The following HEATR1 variants were observed in gnomAD, a reference collection of about 807,000 sequenced individuals.
HEATR1 encodes HEAT repeat-containing protein 1.
HEATR1 carries 77 observed loss-of-function variants against 248.2 expected under a neutral mutation model. That is an observed-to-expected ratio of 0.31 (90% CI 0.26 to 0.37). The LOEUF is 0.37. Ranked by LOEUF, HEATR1 falls within the 10% of genes least tolerant of loss-of-function variation. The probability of loss-of-function intolerance (pLI) is 1.00; values close to 1 mark genes in which losing one functional copy is unlikely to be tolerated. For missense variants in HEATR1, 2,420 were observed against 2,504.9 expected (o/e 0.97, Z 0.72); for synonymous variants, 897 against 923.1 (o/e 0.97, Z 0.51).
At chr1:236,553,882 G>A (rs1292271943) in intron 42 of HEATR1, 143 bp from the exon 43 acceptor site, 3 of 801,962 alleles carry the variant, frequency 3.7e-6, no homozygotes, top group Non-Finnish European at 3.8e-6. Flanking sequence ...TACTCTCTAG[G>A]GCAAATGTAT....
intron 20 of HEATR1, among the ~76,000 whole-genome samples, chr1:236,579,518 T>A (rs1276640961): frequency 1.3e-5 from 2 of 152,238 alleles, no homozygotes; most frequent in Non-Finnish European, 2.9e-5. Flanking sequence ...ACTATTTTAA[T>A]AAATTGCTAT....
chr1:236,574,367 G>C (rs760542410), intron 23 of HEATR1, 34 bp from the exon 24 acceptor site: 1 of 1,581,448 alleles, frequency 6.3e-7, no homozygotes. Flanking sequence ...ACTGAGTTCA[G>C]TGAACAAGTT....
intron 17 of HEATR1, among the ~76,000 whole-genome samples, chr1:236,583,484 C>CT (rs373107503): frequency 5.7e-4 from 66 of 115,222 alleles, no homozygotes; most frequent in African/African-American, 1.9e-3. Flanking sequence ...AGGCATATTT[C>CT]TTTTTTTTTT....
Position 236,557,336 on chromosome 1 carries a change from T to C in HEATR1, c.5214A>G (p.Pro1738=), listed in dbSNP as rs1216849773. 1.9e-6 allele frequency: 3 copies of C among 1,613,996 alleles called. No individual in the cohort carries two copies. Among genetic ancestry groups the C allele is most frequent in the East Asian group, 4.5e-5 (2 of 44,884 alleles). ...LAIPQLPSLM[P]SLLTTMKNTS... is the part of the protein sequence containing the mutation. The stretch of plus-strand genomic sequence containing the variant: ...TGTTCTTCATTGTTGTCAGCAACGA[T>C]GGCATCAGGCTAGAAACAAAGTAAG... Residue 1738 remains proline, a synonymous_variant, in exon 37 of 45, where the codon CCA becomes CCG. Coordinates refer to ENST00000366582, the MANE Select transcript of HEATR1 (RefSeq NM_018072.6).
In HEATR1 at chr1:236,566,738, G is replaced by T. The variant is rs369632116; in HGVS notation, c.4216C>A (p.Leu1406Met). ...ATCCAGAGGAATTTCTCTGCACCCA[G>T]TGTATCAACAAGTTGAACAAGGATG... is the stretch of plus-strand genomic sequence containing the variant. ...LPILVQLVDTLGAEKFLWILL... is the reference protein window; with the variant it reads ...LPILVQLVDTMGAEKFLWILL... The change falls in exon 30 of 45, where the codon CTG (leucine) becomes ATG (methionine). Residue 1406 changes from leucine to methionine, a missense_variant. Transcript: ENST00000366582. 8 of 1,614,008 alleles carry T rather than the reference G, an allele frequency of 5.0e-6. No individual in the cohort carries two copies. Among genetic ancestry groups the T allele is most frequent in the Admixed American group, 1.7e-5 (1 of 60,004 alleles).
In HEATR1 at chr1:236,556,128, GT is replaced by G; in HGVS notation, c.5485del (p.Thr1829LeufsTer17). On this transcript the variant is annotated frameshift_variant, in exon 38 of 45. Coordinates refer to ENST00000366582, the MANE Select transcript of HEATR1 (RefSeq NM_018072.6). LOFTEE classifies it high-confidence loss of function. ...CCAGTTCTTCTCAATCTGCTTGTAAGTTTTTTTGATGGCGGGCAACAGGACT... is the reference window on the plus strand; with the variant it reads ...CCAGTTCTTCTCAATCTGCTTGTAAGTTTTTTGATGGCGGGCAACAGGACT... Reference protein sequence around the residue: ...PRVLLPAIKKTYKQIEKNWKN... With the variant: ...PRVLLPAIKKXYKQIEKNWKN... The G allele has an allele frequency of 6.2e-7, 1 of 1,614,112 alleles. No homozygotes were observed. The highest frequency in any genetic ancestry group is 1.1e-5 in the South Asian group (1 of 91,082).
intron 8 of HEATR1, among the ~76,000 whole-genome samples, 178 bp from the exon 9 acceptor site, chr1:236,594,292 C>G (rs1343737413): frequency 6.6e-6 from 1 of 152,170 alleles, no homozygotes; most frequent in Non-Finnish European, 1.5e-5. Context: ...TTTTAAAGCT[C>G]TTTTGTATAG....
At chr1:236,593,808 T>C (rs1464264588) in intron 9 of HEATR1, among the ~76,000 whole-genome samples, 1 of 152,194 alleles carries the variant, frequency 6.6e-6, no homozygotes, top group East Asian at 1.9e-4. Flanking sequence ...CATTTTCATC[T>C]ATAAGCACTA....
intron 28 of HEATR1, 123 bp from the exon 29 acceptor site, chr1:236,569,247 T>C (rs1290788605): frequency 1.4e-6 from 1 of 703,330 alleles, no homozygotes; most frequent in Non-Finnish European, 2.2e-6. Context: ...GTGATCACAG[T>C]TCACTGAAAC....
rs1290503088 is a variant in HEATR1, at chr1:236,569,066, C to T, written c.4007G>A (p.Arg1336His). The T allele has an allele frequency of 1.2e-5, 19 of 1,608,980 alleles. No individual in the cohort carries two copies. The highest frequency in any genetic ancestry group is 2.2e-5 in the East Asian group (1 of 44,702). ...IFTFMGANVM[R>H]LDDTYSFQVI... ...TTGAAAACTGTAAGTATCATCTAGG[C>T]GCATGACATTGGCTCCCATAAATGT... The change falls in exon 29 of 45, where the codon CGC (arginine) becomes CAC (histidine). Residue 1336 changes from arginine to histidine, a missense_variant. Coordinates refer to ENST00000366582, the MANE Select transcript of HEATR1 (RefSeq NM_018072.6).
intron 41 of HEATR1, 54 bp downstream of exon 41, chr1:236,555,242 C>T (rs188982771): frequency 6.4e-7 from 1 of 1,570,708 alleles, no homozygotes; most frequent in East Asian, 2.2e-5. Context: ...TTACTGGTAC[C>T]TTGTATAAGG....
intron 24 of HEATR1, 127 bp from the exon 25 acceptor site, chr1:236,572,955 G>A: frequency 1.2e-6 from 1 of 831,318 alleles, no homozygotes. Context: ...ATATGCATCT[G>A]AACCCCCCCC....
chr1:236,601,091 T>A (rs1486215756), intron 3 of HEATR1, among the ~76,000 whole-genome samples: 1 of 152,170 alleles, frequency 6.6e-6, no homozygotes, highest in African/African-American at 2.4e-5. Flanking sequence ...GGGGTAAAGT[T>A]AGGTGCTAGA....
chr1:236,592,782 T>C, intron 9 of HEATR1, 149 bp from the exon 10 acceptor site: 1 of 484,872 alleles, frequency 2.1e-6, no homozygotes, highest in South Asian at 2.9e-5. Context: ...ATAAAGAAAC[T>C]AGAGGCCTGG....
At chr1:236,563,990 C>A (rs1037442471) in intron 32 of HEATR1, among the ~76,000 whole-genome samples, 1 of 152,112 alleles carries the variant, frequency 6.6e-6, no homozygotes, top group African/African-American at 2.4e-5. Flanking sequence ...AGGTGGCACA[C>A]GCCTGTAGTC....
Position 236,574,891 on chromosome 1 carries a change from G to C in HEATR1, c.3097C>G (p.Gln1033Glu). Residue 1033 changes from glutamine (Q) to glutamate (E), a missense_variant, in exon 23 of 45, where the codon CAG (glutamine) becomes GAG (glutamate). Physicochemically the swap from Gln to Glu is conservative, Grantham distance 29. Transcript: ENST00000366582. The stretch of plus-strand genomic sequence containing the variant: ...AGTTGTTCAGCCATAGGCAATAGCT[G>C]AGAAAGCACCATCTAAAGATCCAAA... The part of the protein sequence containing the change: ...QGVNGEMVLS[Q>E]LLPMAEQLLE... 6 of 1,612,508 alleles carry C rather than the reference G, an allele frequency of 3.7e-6. No homozygotes were observed. The highest frequency in any genetic ancestry group is 5.1e-6 in the Non-Finnish European group (6 of 1,179,432).
At position 236,583,086 on chromosome 1, in the gene HEATR1, C is replaced by T. The variant is rs1279652915; in HGVS notation, c.2352G>A (p.Glu784=). 1.9e-6 allele frequency: 3 copies of T among 1,614,150 alleles called. No homozygotes were observed. Among genetic ancestry groups the T allele is most frequent in the East Asian group, 2.2e-5 (1 of 44,880 alleles). ...ELNSTQRVAV[E]DSVFLVFSLK... ...AGGAAAATACAAGAAAAACCGAGTC[C>T]TCCACGGCCACCCTCTGAGTGCTGT... The change falls in exon 18 of 45, where the codon GAG becomes GAA. Residue 784 remains glutamate (E), a synonymous_variant. Coordinates refer to ENST00000366582, the MANE Select transcript of HEATR1 (RefSeq NM_018072.6).
chr1:236,590,793 A>T, intron 12 of HEATR1, 54 bp downstream of exon 12: 1 of 874,148 alleles, frequency 1.1e-6, no homozygotes, highest in Non-Finnish European at 1.7e-6. Context: ...ATTCAGAATT[A>T]CACTGCTCAT....
At chr1:236,603,055 A>C (rs1219469190) in intron 3 of HEATR1, 105 bp downstream of exon 3, 1 of 757,334 alleles carries the variant, frequency 1.3e-6, no homozygotes, top group African/African-American at 1.7e-5. Flanking sequence ...CAATCTCTTA[A>C]TATACCTAAT....
Sources: allele counts gnomAD v4.1 joint callset (sites outside exome capture counted in the v4.1 genomes callset), GRCh38; gene constraint gnomAD v4.1.1; transcripts MANE v1.5; gene names NCBI Gene and HGNC (gene_info 2026-07-23, HGNC 2026-07-21).